PARP16: variants seen among roughly 807,000 people sequenced by gnomAD.
PARP16 encodes protein mono-ADP-ribosyltransferase PARP16.
PARP16 carries 31 observed loss-of-function variants against 35.0 expected under a neutral mutation model. The ratio of observed to expected loss-of-function variants is 0.88; its 90% CI spans 0.66 to 1.19. The LOEUF is 1.19. Ranked by LOEUF, PARP16 falls within the 50% of genes most tolerant of loss-of-function variation. The pLI, the probability that PARP16 is intolerant of heterozygous loss-of-function variation, is 0.00. For synonymous variants in PARP16, 162 were observed against 169.5 expected (o/e 0.96, Z 0.34); for missense variants, 424 against 411.2 (o/e 1.03, Z -0.27).
At position 65,237,102 on chromosome 15, in the gene PARP16, A is replaced by G. The variant is rs577184638; in HGVS notation, c.*98-2279T>C. Among the ~76,000 whole-genome samples, 4 of 151,952 alleles carry G rather than the reference A, an allele frequency of 2.6e-5. No homozygotes were observed. The South Asian group carries it at 8.3e-4, about 32-fold the overall frequency. On this transcript the variant is annotated intron_variant and NMD_transcript_variant, in intron 3 of 3. Coordinates refer to the PARP16 transcript ENST00000559805. Reference sequence around the variant, plus strand: ...GGCTGCTGTGTAGATGGCCCCAGCCAGACGCTGAGTCAGGCCTGGGAGGGC... The same window carrying G: ...GGCTGCTGTGTAGATGGCCCCAGCCGGACGCTGAGTCAGGCCTGGGAGGGC...
chr15:65,239,955 C>CTTTTTTTT (rs367808430), intron 3 of PARP16, among the ~76,000 whole-genome samples: 1,094 of 81,698 alleles, frequency 0.013, 105 homozygotes, highest in African/African-American at 0.019. Context: ...CGCGTCTGAC[C>CTTTTTTTT]TTTTTTTTTT....
At chr15:65,250,262 C>T (rs898974877) in intron 2 of PARP16, among the ~76,000 whole-genome samples, 2 of 151,840 alleles carry the variant, frequency 1.3e-5, no homozygotes, top group Non-Finnish European at 1.5e-5. Flanking sequence ...GGATTACAGG[C>T]GCGCGCCACC....
intron 1 of PARP16, among the ~76,000 whole-genome samples, chr15:65,275,638 C>A (rs1184014563): frequency 6.6e-6 from 1 of 151,938 alleles, no homozygotes; most frequent in Non-Finnish European, 1.5e-5. Flanking sequence ...GGGAAGGTGA[C>A]CTCAAGTGAG....
At chr15:65,250,015 G>T (rs953958073) in intron 2 of PARP16, among the ~76,000 whole-genome samples, 6 of 151,822 alleles carry the variant, frequency 4.0e-5, no homozygotes, top group Non-Finnish European at 8.8e-5. Flanking sequence ...TATTCACTGG[G>T]CCTGGTGTCG....
At chr15:65,276,346 TA>T (rs2090254650) in intron 1 of PARP16, among the ~76,000 whole-genome samples, 1 of 152,072 alleles carries the variant, frequency 6.6e-6, no homozygotes, top group South Asian at 2.1e-4. Flanking sequence ...GAATTTCAGA[TA>T]AACAACAACA....
chr15:65,231,295 T>TGTGTGCAC (rs1382326070), downstream of PARP16, among the ~76,000 whole-genome samples: 8 of 152,206 alleles, frequency 5.3e-5, no homozygotes, highest in African/African-American at 1.9e-4. Flanking sequence ...TTTATTAATA[T>TGTGTGCAC]ACTGATATGT....
chr15:65,245,646 C>T (rs1041763140), intron 3 of PARP16, among the ~76,000 whole-genome samples: 1 of 152,134 alleles, frequency 6.6e-6, no homozygotes. Flanking sequence ...CACCGAGCTT[C>T]CATCCTGCTC....
At position 65,259,591 on chromosome 15, in the gene PARP16, T is replaced by G. The variant is rs539595528; in HGVS notation, c.834-49A>C. 5.7e-6 allele frequency: 9 copies of G among 1,574,538 alleles called. No individual in the cohort carries two copies. The South Asian group carries it at 1.0e-4, about 18-fold the overall frequency. On this transcript the variant is annotated intron_variant, in intron 5 of 5. Transcript: ENST00000649807. ...GGTGTTGGCAAAAAGAGAAAAACATTTTTTTTAAGTGTGTACAACAAGTCT... is the reference window on the plus strand; with the variant it reads ...GGTGTTGGCAAAAAGAGAAAAACATGTTTTTTAAGTGTGTACAACAAGTCT...
intron 3 of PARP16, among the ~76,000 whole-genome samples, chr15:65,239,424 T>TAAAAAAAAAAAAAAAAAAAAAAAAA (rs758350761): frequency 1.4e-4 from 1 of 6,960 alleles, no homozygotes; most frequent in African/African-American, 6.2e-4. Flanking sequence ...AGACTTTGCC[T>TAAAAAAAAAAAAAAAAAAAAAAAAA]AAAAAAAAAA....
rs548882554 is a variant in PARP16 at position 65,241,058 on chromosome 15, A to G, written c.*98-6235T>C. Among the ~76,000 whole-genome samples the G allele has an allele frequency of 2.0e-5, 3 of 148,802 alleles. No homozygotes were observed. The South Asian group carries it at 6.4e-4, about 32-fold the overall frequency. ...GCCATGTTGGCCAGGCTGGTCTTGA[A>G]CTCCTGACCTCAAGTGATCTGCCCC... On this transcript the variant is annotated intron_variant and NMD_transcript_variant, in intron 3 of 3. Transcript: ENST00000559805.
Position 65,285,297 on chromosome 15 carries a change from C to T in PARP16, c.174+956G>A, listed in dbSNP as rs182982053. ...GGATTACAGGCATGCGCCACCACGC[C>T]CGGCTAACTTTTTGTATTTTTAATA... On this transcript the variant is annotated intron_variant, in intron 1 of 5. Transcript: ENST00000649807. Among the ~76,000 whole-genome samples, 478 of 152,150 alleles carry T rather than the reference C, an allele frequency of 3.1e-3. 4 individuals are homozygous for T. Among genetic ancestry groups the T allele is most frequent in the African/African-American group, 0.011 (439 of 41,494 alleles).
chr15:65,275,307 G>T (rs540644752), intron 1 of PARP16, among the ~76,000 whole-genome samples: 1 of 152,142 alleles, frequency 6.6e-6, no homozygotes, highest in Non-Finnish European at 1.5e-5. Flanking sequence ...GCATGTAGCT[G>T]GGGAAGTGGG....
At chr15:65,267,087 C>CAA (rs1472484717) in intron 2 of PARP16, among the ~76,000 whole-genome samples, 3 of 151,386 alleles carry the variant, frequency 2.0e-5, no homozygotes, top group Non-Finnish European at 4.4e-5. Flanking sequence ...ACTAAAAATA[C>CAA]AAAATTAGCC....
intron 3 of PARP16, among the ~76,000 whole-genome samples, chr15:65,246,947 G>C (rs746880752): frequency 6.6e-6 from 1 of 152,166 alleles, no homozygotes; most frequent in Non-Finnish European, 1.5e-5. Flanking sequence ...AAGAACAGAA[G>C]CTAATATTTA....
chr15:65,247,798 CTTTTTT>C (rs930896140), intron 3 of PARP16, among the ~76,000 whole-genome samples: 1 of 90,992 alleles, frequency 1.1e-5, no homozygotes, highest in African/African-American at 4.4e-5. Context: ...ATGGATTGTT[CTTTTTT>C]TTTTTTTTTT....
chr15:65,283,261 A>AC (rs1315363802), intron 1 of PARP16, among the ~76,000 whole-genome samples: 1 of 151,146 alleles, frequency 6.6e-6, no homozygotes, highest in Non-Finnish European at 1.5e-5. Context: ...ACGTTGTGAG[A>AC]CCCCATCTCA....
intron 4 of PARP16, among the ~76,000 whole-genome samples, chr15:65,261,981 G>C (rs1432266145): frequency 6.6e-6 from 1 of 152,170 alleles, no homozygotes; most frequent in Non-Finnish European, 1.5e-5. Context: ...AACTTCCTAA[G>C]AATTATAAAT....
At chr15:65,232,551 T>G (rs2088790370), downstream of PARP16, among the ~76,000 whole-genome samples, 1 of 152,170 alleles carries the variant, frequency 6.6e-6, no homozygotes, top group Non-Finnish European at 1.5e-5. Flanking sequence ...ACTGGTTCTC[T>G]CTAATCACTC....
At chr15:65,253,399 C>T (rs1056691453), downstream of PARP16, among the ~76,000 whole-genome samples, 36 of 150,660 alleles carry the variant, frequency 2.4e-4, no homozygotes, top group Non-Finnish European at 4.1e-4. Context: ...GGCGGGATCT[C>T]GGCTCACTGC....
Sources: gnomAD v4.1 joint callset for allele counts (sites outside exome capture counted in the v4.1 genomes callset) on GRCh38, gnomAD v4.1.1 for gene constraint, MANE v1.5 for transcripts, NCBI Gene and HGNC (gene_info 2026-07-23, HGNC 2026-07-21) for gene names.